Variants in C3orf52 observed in about 807,000 individuals in gnomAD.
The protein encoded by C3orf52 is TPA-induced transmembrane protein.
Under a neutral mutation model 24.8 loss-of-function variants are expected in C3orf52, and 22 were observed. The observed-to-expected ratio is 0.89, with a 90% CI of 0.63 to 1.27. The LOEUF is 1.27. Among genes scored for constraint, C3orf52 ranks in the 50% most tolerant of loss-of-function variants. C3orf52 has a pLI of 0.00. For missense variants in C3orf52, 265 were observed against 260.7 expected, an observed-to-expected ratio of 1.02 and a Z score of -0.11; for synonymous variants, 93 against 100.2, an observed-to-expected ratio of 0.93 and a Z score of 0.43.
chr3:112,124,553 A>C (rs2074267210), intron 4 of C3orf52, among the ~76,000 whole-genome samples: 1 of 152,192 alleles, frequency 6.6e-6, no homozygotes, highest in Admixed American at 6.5e-5. Context: ...GGTTGCAGTG[A>C]GCTGAGATCG....
At chr3:112,124,186 G>A (rs747099056) in intron 4 of C3orf52, among the ~76,000 whole-genome samples, 16 of 152,174 alleles carry the variant, frequency 1.1e-4, no homozygotes, top group Non-Finnish European at 2.1e-4. Context: ...AGAACCATGA[G>A]CCAAATAAAC....
chr3:112,127,149 AC>A (rs2107806270), intron 4 of C3orf52: 2 of 632,036 alleles, frequency 3.2e-6, no homozygotes, highest in East Asian at 5.7e-5. Context: ...CTTTTATAAT[AC>A]CTCCTTCAGC....
downstream of C3orf52, chr3:112,121,627 T>TGAGGATCTGATCCTGGCC (rs2074201912): frequency 6.6e-6 from 1 of 152,176 alleles, no homozygotes; most frequent in Admixed American, 6.5e-5. Context: ...TATTTCCTTT[T>TGAGGATCTGATCCTGGCC]GAGGATCTGA....
downstream of C3orf52, chr3:112,132,978 A>T (rs1559989371): frequency 1.7e-5 from 18 of 1,046,730 alleles, no homozygotes; most frequent in Non-Finnish European, 2.4e-5. Flanking sequence ...TCCTTACCCA[A>T]CTACTTTCTA....
intron 5 of C3orf52, among the ~76,000 whole-genome samples, chr3:112,114,728 C>T (rs1260426311): frequency 6.6e-6 from 1 of 152,064 alleles, no homozygotes; most frequent in African/African-American, 2.4e-5. Context: ...ACCCAGAAAC[C>T]TTCAGCCTCC....
rs541040537 is a variant in C3orf52 at position 112,094,998 on chromosome 3, G to A, written c.268+1509G>A. 7.2e-5 allele frequency among the ~76,000 whole-genome samples: 11 copies of A among 152,276 alleles called. No homozygotes were observed. The South Asian group carries it at 1.0e-3, about 14-fold the overall frequency. On this transcript the variant is annotated intron_variant, in intron 2 of 5. Coordinates refer to ENST00000264848, the MANE Select transcript of C3orf52 (RefSeq NM_024616.3). ...TCAGAAACTACATTTTCCATTTACC[G>A]CTTGTTTCCCCTTCTCCCAACCCCT...
At chr3:112,109,969 T>C in intron 4 of C3orf52, 1 of 209,094 alleles carries the variant, frequency 4.8e-6, no homozygotes, top group Middle Eastern at 1.8e-3. Flanking sequence ...GAGTGATACA[T>C]GTATAGGCAT....
Position 112,118,031 on chromosome 3 carries a change from C to G in C3orf52, c.*1385C>G, listed in dbSNP as rs963992533. 6.6e-6 allele frequency: 1 copy of G among 152,176 alleles called. No homozygotes were observed. The highest frequency in any genetic ancestry group is 1.5e-5 in the Non-Finnish European group (1 of 68,038). The allele number at this position is 152,176 out of a possible 1,614,324, so 9.4% of individuals were successfully genotyped here. A position where few individuals can be genotyped will look rare whatever the true frequency, so the allele number is the denominator to read the frequency against. On this transcript the variant is annotated 3_prime_UTR_variant, in exon 6 of 6. Coordinates refer to ENST00000264848, the MANE Select transcript of C3orf52 (RefSeq NM_024616.3). ...ACTAGAAGATACATGTACTATAGAT[C>G]ATTGTCTCATTTTAGTGATTGTTCC...
At chr3:112,123,728 G>GAGGGT (rs2074247175) in intron 4 of C3orf52, 1 of 1,613,782 alleles carries the variant, frequency 6.2e-7, no homozygotes, top group Non-Finnish European at 8.5e-7. Flanking sequence ...GATGATTGAT[G>GAGGGT]AGGGTATAGC....
chr3:112,117,439 C>T lies in C3orf52; in HGVS notation c.*793C>T, dbSNP rs900621263. 6.4e-6 allele frequency: 1 copy of T among 156,610 alleles called. No individual in the cohort carries two copies. The highest frequency in any genetic ancestry group is 2.4e-5 in the African/African-American group (1 of 41,566). 9.7% of individuals were successfully genotyped at this position (156,610 alleles called of 1,614,324 possible). On this transcript the variant is annotated 3_prime_UTR_variant, in exon 6 of 6. Coordinates refer to ENST00000264848, the MANE Select transcript of C3orf52 (RefSeq NM_024616.3). Reference sequence around the variant, plus strand: ...CGTTGTTCCTGTGATTCCTGAACACCTTTTTGGAAATATGGGTCTCTGTGA... The same window carrying T: ...CGTTGTTCCTGTGATTCCTGAACACTTTTTTGGAAATATGGGTCTCTGTGA...
At chr3:112,090,287 C>CTTTTTTT (rs386397627) in intron 1 of C3orf52, among the ~76,000 whole-genome samples, 19 of 109,048 alleles carry the variant, frequency 1.7e-4, no homozygotes, top group African/African-American at 3.1e-4. Flanking sequence ...GTTTCATGTG[C>CTTTTTTT]TTTTTTTTTT....
downstream of C3orf52, chr3:112,130,815 C>A (rs16859274): frequency 0.012 from 4,764 of 400,494 alleles, 120 homozygotes; most frequent in African/African-American, 0.052. Flanking sequence ...TGAGAGTATC[C>A]GTGTCCAGAG....
downstream of C3orf52, chr3:112,135,401 A>ATTT (rs2074540989): frequency 6.6e-6 from 1 of 152,618 alleles, no homozygotes; most frequent in Non-Finnish European, 1.5e-5. Flanking sequence ...TCATATCTAA[A>ATTT]ACAGGCAGGA....
At chr3:112,103,428 T>A (rs1281633452) in intron 3 of C3orf52, among the ~76,000 whole-genome samples, 2 of 152,152 alleles carry the variant, frequency 1.3e-5, no homozygotes, top group African/African-American at 4.8e-5. Context: ...AGAGGGAAGA[T>A]TCCTGGCCTC....
chr3:112,123,528 C>T, intron 4 of C3orf52: 1 of 1,614,148 alleles, frequency 6.2e-7, no homozygotes, highest in Non-Finnish European at 8.5e-7. Flanking sequence ...AGAGGAGATT[C>T]TGTGAGGCAT....
At chr3:112,106,232 G>T (rs894091988) in intron 3 of C3orf52, among the ~76,000 whole-genome samples, 1 of 149,044 alleles carries the variant, frequency 6.7e-6, no homozygotes, top group Non-Finnish European at 1.5e-5. Context: ...GGGGGTGGAG[G>T]TGGGGCCAAA....
At chr3:112,113,418 A>G (rs1300310347) in intron 5 of C3orf52, among the ~76,000 whole-genome samples, 1 of 152,212 alleles carries the variant, frequency 6.6e-6, no homozygotes, top group Non-Finnish European at 1.5e-5. Flanking sequence ...GAACATTGCT[A>G]CATGTTTCCT....
In C3orf52 at chr3:112,097,011, C is replaced by T. The variant is rs138377515; in HGVS notation, c.268+3522C>T. Among the ~76,000 whole-genome samples, 3 of 152,208 alleles carry T rather than the reference C, an allele frequency of 2.0e-5. No individual in the cohort carries two copies. In the East Asian group the frequency reaches 5.8e-4, roughly 29 times the overall value. On this transcript the variant is annotated intron_variant, in intron 2 of 5. Coordinates refer to ENST00000264848, the MANE Select transcript of C3orf52 (RefSeq NM_024616.3). Reference sequence around the variant, plus strand: ...TCGACATGGAAATTTTTTTAATGTCCATTTTTATGAGTGGAACCCAGGGAA... The same window carrying T: ...TCGACATGGAAATTTTTTTAATGTCTATTTTTATGAGTGGAACCCAGGGAA...
intron 4 of C3orf52, chr3:112,127,892 G>C: frequency 1.4e-6 from 1 of 737,026 alleles, no homozygotes; most frequent in East Asian, 2.7e-5. Context: ...TAACTCTTAG[G>C]TGATTGTATC....
Sources: gnomAD v4.1 joint callset for allele counts (sites outside exome capture counted in the v4.1 genomes callset) on GRCh38, gnomAD v4.1.1 for gene constraint, MANE v1.5 for transcripts, NCBI Gene and HGNC (gene_info 2026-07-23, HGNC 2026-07-21) for gene names.